The following DLG2 variants were observed in gnomAD, a reference collection of about 807,000 sequenced individuals.
The protein encoded by DLG2 is discs large MAGUK scaffold protein 2, also known as disks large homolog 2.
DLG2 carries 45 observed loss-of-function variants against 132.5 expected under a neutral mutation model. The ratio of observed to expected loss-of-function variants is 0.34; its 90% confidence interval spans 0.27 to 0.44. The LOEUF is 0.44. DLG2 is among the 20% of genes least tolerant of loss of function. The pLI is 1.00. For missense variants in DLG2, 1,045 were observed against 1,196.9 expected, an observed-to-expected ratio of 0.87 and a Z score of 1.87; for synonymous variants, 424 against 419.6, an observed-to-expected ratio of 1.01 and a Z score of -0.13.
intron 6 of DLG2, among the ~76,000 whole-genome samples, chr11:84,990,553 G>A (rs1282288246): frequency 6.6e-6 from 1 of 151,974 alleles, no homozygotes; most frequent in Non-Finnish European, 1.5e-5. Context: ...AAATAAATGT[G>A]TATTATATAG....
chr11:85,542,435 A>G (rs1176423699), intron 3 of DLG2, among the ~76,000 whole-genome samples: 1 of 152,240 alleles, frequency 6.6e-6, no homozygotes, highest in Non-Finnish European at 1.5e-5. Flanking sequence ...GGATCTGGGA[A>G]TCCTTTGAAG....
At chr11:85,274,016 A>G (rs2077718939) in intron 4 of DLG2, among the ~76,000 whole-genome samples, 1 of 152,224 alleles carries the variant, frequency 6.6e-6, no homozygotes, top group South Asian at 2.1e-4. Flanking sequence ...CAGAAAACCA[A>G]ACACCACATG....
At chr11:85,564,297 T>C (rs2077414524) in intron 3 of DLG2, among the ~76,000 whole-genome samples, 1 of 151,976 alleles carries the variant, frequency 6.6e-6, no homozygotes, top group South Asian at 2.1e-4. Flanking sequence ...CTTTTTTTCA[T>C]GCACTGGGGG....
At chr11:84,752,456 T>C (rs1444831617) in intron 6 of DLG2, among the ~76,000 whole-genome samples, 2 of 152,274 alleles carry the variant, frequency 1.3e-5, no homozygotes, top group African/African-American at 4.8e-5. Context: ...GAAGGATGTA[T>C]GTGGACTATT....
At chr11:84,549,750 C>CT (rs1169914612) in intron 6 of DLG2, among the ~76,000 whole-genome samples, 4 of 152,026 alleles carry the variant, frequency 2.6e-5, no homozygotes, top group African/African-American at 4.8e-5. Flanking sequence ...TCCTATTTCT[C>CT]TTTTTTTGTT....
chr11:84,615,258 G>T (rs2099601896), intron 6 of DLG2, among the ~76,000 whole-genome samples: 1 of 151,948 alleles, frequency 6.6e-6, no homozygotes, highest in African/African-American at 2.4e-5. Context: ...ACATAAATTT[G>T]ATTTGCAAAA....
At position 85,486,053 on chromosome 11, in the gene DLG2, G is replaced by T. The variant is rs558716008; in HGVS notation, c.40+112604C>A. On this transcript the variant is annotated intron_variant, in intron 3 of 27. Transcript: ENST00000376104. ...CTCCTCATGTCTACTTGCCCACAGT[G>T]CGCCATCTGAGAGGGGCCCAGCCTT... Among the ~76,000 whole-genome samples, 3 of 152,272 alleles carry T rather than the reference G, an allele frequency of 2.0e-5. No homozygotes were observed. In the East Asian group the frequency reaches 5.8e-4, roughly 29 times the overall value.
intron 6 of DLG2, among the ~76,000 whole-genome samples, chr11:84,892,763 C>T (rs1451286125): frequency 6.6e-6 from 1 of 152,042 alleles, no homozygotes; most frequent in Non-Finnish European, 1.5e-5. Context: ...TTCTCTTCTA[C>T]TTTTGCTTCC....
intron 4 of DLG2, among the ~76,000 whole-genome samples, chr11:85,195,560 G>C (rs1406788003): frequency 7.4e-6 from 1 of 134,282 alleles, no homozygotes; most frequent in Non-Finnish European, 1.6e-5. Context: ...GTCTCGCTCT[G>C]TGGCCCAGGC....
At chr11:85,133,477 T>C (rs1209661044) in intron 5 of DLG2, among the ~76,000 whole-genome samples, 1 of 152,172 alleles carries the variant, frequency 6.6e-6, no homozygotes, top group Non-Finnish European at 1.5e-5. Flanking sequence ...GGCAGCTTCT[T>C]ACAAATGACT....
intron 6 of DLG2, among the ~76,000 whole-genome samples, chr11:84,725,668 T>C (rs1024124212): frequency 1.3e-5 from 2 of 152,162 alleles, no homozygotes; most frequent in Admixed American, 6.5e-5. Flanking sequence ...ATACAAATGA[T>C]TGACCAATCT....
intron 7 of DLG2, among the ~76,000 whole-genome samples, chr11:84,527,219 T>C (rs1372192014): frequency 6.6e-6 from 1 of 152,214 alleles, no homozygotes; most frequent in African/African-American, 2.4e-5. Flanking sequence ...TGCCATAGGA[T>C]CTTATGACCA....
chr11:83,817,795 G>A (rs1216280432), intron 17 of DLG2, among the ~76,000 whole-genome samples: 1 of 152,152 alleles, frequency 6.6e-6, no homozygotes, highest in Non-Finnish European at 1.5e-5. Context: ...AGGATTGCGT[G>A]AGCCCAGGAG....
At chr11:83,493,636 C>G (rs1234735671) in intron 21 of DLG2, among the ~76,000 whole-genome samples, 1 of 151,992 alleles carries the variant, frequency 6.6e-6, no homozygotes, top group Non-Finnish European at 1.5e-5. Flanking sequence ...TATTTTTTAT[C>G]TTTTACTTGA....
At chr11:83,837,415 A>G (rs2056489593) in intron 16 of DLG2, among the ~76,000 whole-genome samples, 1 of 152,098 alleles carries the variant, frequency 6.6e-6, no homozygotes, top group South Asian at 2.1e-4. Flanking sequence ...CTGTCTACCA[A>G]CAACAGCCTA....
chr11:83,986,006 C>T (rs1180310209), intron 11 of DLG2, among the ~76,000 whole-genome samples: 5 of 151,908 alleles, frequency 3.3e-5, no homozygotes, highest in Non-Finnish European at 5.9e-5. Flanking sequence ...CACAACCTCA[C>T]CAGTGTCTGT....
chr11:83,638,623 C>A (rs183032283), intron 18 of DLG2, among the ~76,000 whole-genome samples: 1 of 152,088 alleles, frequency 6.6e-6, no homozygotes, highest in Non-Finnish European at 1.5e-5. Context: ...CCCCCTGTTA[C>A]GGCCTCCCTC....
intron 18 of DLG2, among the ~76,000 whole-genome samples, chr11:83,686,632 A>C (rs1438592604): frequency 6.6e-6 from 1 of 152,258 alleles, no homozygotes; most frequent in Admixed American, 6.5e-5. Context: ...TATCTTCACT[A>C]CTTCTTAGTC....
At chr11:85,581,478 C>T (rs765867784) in intron 3 of DLG2, among the ~76,000 whole-genome samples, 98 of 151,640 alleles carry the variant, frequency 6.5e-4, no homozygotes, top group Non-Finnish European at 1.0e-3. Context: ...ATTAGCTGGG[C>T]GTGGTGGCGT....
Sources: gnomAD v4.1 joint callset for allele counts (sites outside exome capture counted in the v4.1 genomes callset) on GRCh38, gnomAD v4.1.1 for gene constraint, MANE v1.5 for transcripts, NCBI Gene and HGNC (gene_info 2026-07-23, HGNC 2026-07-21) for gene names.